Variants in GNG2 observed in about 807,000 individuals in gnomAD.
The protein encoded by GNG2 is guanine nucleotide-binding protein G(I)/G(S)/G(O) subunit gamma-2.
A neutral mutation model predicts 5.5 loss-of-function variants in GNG2; 5 were observed. The ratio of observed to expected loss-of-function variants is 0.91; its 90% CI spans 0.48 to 1.92. GNG2 has a LOEUF of 1.92. Ranked by LOEUF, GNG2 falls within the 30% of genes most tolerant of loss-of-function variation. The pLI, the probability that GNG2 is intolerant of heterozygous loss-of-function variation, is 0.01. For missense variants in GNG2, 55 were observed against 88.4 expected (o/e 0.62, Z 1.52); for synonymous variants, 28 against 32.0 (o/e 0.88, Z 0.42).
chr14:51,884,797 G>A (rs1884334747), intron 2 of GNG2, among the ~76,000 whole-genome samples: 1 of 152,186 alleles, frequency 6.6e-6, no homozygotes, highest in African/African-American at 2.4e-5. Flanking sequence ...ACTGACCACA[G>A]GGGAGGAGAC....
At chr14:51,896,908 C>T (rs539131128) in intron 2 of GNG2, among the ~76,000 whole-genome samples, 2 of 152,178 alleles carry the variant, frequency 1.3e-5, no homozygotes, top group East Asian at 3.9e-4. Context: ...AATAATGTGT[C>T]ATTATTGAAC....
intron 2 of GNG2, chr14:51,841,636 C>T (rs926141792): frequency 1.5e-6 from 1 of 677,070 alleles, no homozygotes; most frequent in Non-Finnish European, 2.7e-6. Flanking sequence ...AGAAAACAAG[C>T]AAGCAAAACA....
At chr14:51,917,476 C>A in intron 2 of GNG2, 1 of 453,834 alleles carries the variant, frequency 2.2e-6, no homozygotes, top group South Asian at 1.6e-5. Context: ...GGAACCTTAG[C>A]CTAGTGCAGA....
intron 2 of GNG2, among the ~76,000 whole-genome samples, chr14:51,829,684 G>T (rs4901158): frequency 0.41 from 61,497 of 151,706 alleles, 12,709 homozygotes; most frequent in Non-Finnish European, 0.43. Flanking sequence ...TTCCTTCCCT[G>T]TCATTCTCCA....
At chr14:51,965,140 T>G (rs1889822175) in intron 3 of GNG2, among the ~76,000 whole-genome samples, 1 of 152,212 alleles carries the variant, frequency 6.6e-6, no homozygotes, top group African/African-American at 2.4e-5. Context: ...CAGAGCAAGC[T>G]TATGTCACTG....
At chr14:51,879,557 G>A (rs1486719145) in intron 2 of GNG2, among the ~76,000 whole-genome samples, 2 of 152,238 alleles carry the variant, frequency 1.3e-5, no homozygotes, top group Non-Finnish European at 2.9e-5. Context: ...GATTTCACTG[G>A]GCTAAAAGCA....
chr14:51,913,962 T>C (rs1181538931), intron 2 of GNG2: 3 of 484,360 alleles, frequency 6.2e-6, no homozygotes, highest in Non-Finnish European at 1.1e-5. Context: ...TTTCATTTCA[T>C]ATATATGAAA....
chr14:51,965,852 T>G (rs1403120182), intron 3 of GNG2, among the ~76,000 whole-genome samples: 1 of 152,004 alleles, frequency 6.6e-6, no homozygotes, highest in African/African-American at 2.4e-5. Flanking sequence ...TACAGGGATT[T>G]TTTCATTTAA....
chr14:51,880,569 T>A (rs1757287714), intron 2 of GNG2, among the ~76,000 whole-genome samples: 1 of 152,188 alleles, frequency 6.6e-6, no homozygotes, highest in Admixed American at 6.5e-5. Context: ...ATTTAAAAAT[T>A]TTCAGCTTTT....
chr14:51,889,534 T>TTA (rs202182431), intron 2 of GNG2, among the ~76,000 whole-genome samples: 1 of 152,218 alleles, frequency 6.6e-6, no homozygotes. Context: ...TGGTATTTCA[T>TTA]TATATATCAG....
At chr14:51,919,438 A>G (rs760950535) in intron 2 of GNG2, among the ~76,000 whole-genome samples, 4 of 152,220 alleles carry the variant, frequency 2.6e-5, no homozygotes, top group Middle Eastern at 3.2e-3. Context: ...CCAAACAAAA[A>G]TTGTTTTATC....
chr14:51,958,727 C>T (rs147520941), intron 3 of GNG2, among the ~76,000 whole-genome samples: 308 of 152,184 alleles, frequency 2.0e-3, no homozygotes, highest in African/African-American at 6.8e-3. Flanking sequence ...TTGGACCCTG[C>T]GTAGATGTTC....
chr14:51,882,318 G>C (rs1014458493), intron 2 of GNG2, among the ~76,000 whole-genome samples: 8 of 152,026 alleles, frequency 5.3e-5, no homozygotes, highest in African/African-American at 1.9e-4. Flanking sequence ...ACTTCAAGAG[G>C]AAAAAAGAAA....
intron 2 of GNG2, among the ~76,000 whole-genome samples, chr14:51,946,167 A>G (rs1888631717): frequency 6.6e-6 from 1 of 152,176 alleles, no homozygotes; most frequent in South Asian, 2.1e-4. Context: ...CATGAGCAAA[A>G]AGTCTACAAG....
At chr14:51,871,947 A>C (rs370420071) in intron 1 of GNG2, among the ~76,000 whole-genome samples, 6 of 152,346 alleles carry the variant, frequency 3.9e-5, no homozygotes, top group South Asian at 4.1e-4. Context: ...AGGTGTGGCC[A>C]CATGCCTTGC....
intron 2 of GNG2, among the ~76,000 whole-genome samples, chr14:51,926,646 C>T (rs149861545): frequency 5.2e-4 from 79 of 152,240 alleles, no homozygotes; most frequent in Middle Eastern, 3.4e-3. Context: ...AGGAAGTTGG[C>T]GCCATTTTGC....
chr14:51,883,810 C>G (rs1884259824), intron 2 of GNG2, among the ~76,000 whole-genome samples: 1 of 151,866 alleles, frequency 6.6e-6, no homozygotes, highest in South Asian at 2.1e-4. Context: ...ACTATAACTG[C>G]TATATACTGT....
intron 3 of GNG2, among the ~76,000 whole-genome samples, chr14:51,953,889 T>C (rs1272944229): frequency 6.6e-6 from 1 of 152,038 alleles, no homozygotes; most frequent in African/African-American, 2.4e-5. Flanking sequence ...CCAGTGAGAG[T>C]AGTGACCTCT....
intron 2 of GNG2, among the ~76,000 whole-genome samples, chr14:51,927,379 T>G (rs1463998169): frequency 2.6e-5 from 4 of 152,190 alleles, no homozygotes; most frequent in African/African-American, 7.2e-5. Context: ...ACTGAGGGAG[T>G]GCACTGAGCT....
Sources: allele counts gnomAD v4.1 joint callset (sites outside exome capture counted in the v4.1 genomes callset), GRCh38; gene constraint gnomAD v4.1.1; transcripts MANE v1.5; gene names NCBI Gene and HGNC (gene_info 2026-07-23, HGNC 2026-07-21).